The following ARHGEF10L variants were observed in gnomAD, a reference collection of about 807,000 sequenced individuals.
ARHGEF10L encodes the protein Rho guanine nucleotide exchange factor 10 like.
In ARHGEF10L, 69 loss-of-function variants were observed where a neutral mutation model predicts 141.2. The observed-to-expected ratio is 0.49, with a 90% CI of 0.40 to 0.60. The LOEUF (loss-of-function observed/expected upper bound fraction) is 0.60, where lower values mean the gene tolerates loss of function less well. Among genes scored for constraint, ARHGEF10L ranks in the 20% least tolerant of loss-of-function variants. ARHGEF10L has a pLI of 0.00. For missense variants in ARHGEF10L, 1,482 were observed against 1,734.3 expected (o/e 0.85, Z 2.58); for synonymous variants, 711 against 718.5 (o/e 0.99, Z 0.17).
chr1:17,551,757 C>T (rs140807073), intron 1 of ARHGEF10L, among the ~76,000 whole-genome samples: 21 of 152,226 alleles, frequency 1.4e-4, no homozygotes, highest in African/African-American at 4.8e-4. Context: ...AAAAGATTTC[C>T]GAGTCAGAGA....
chr1:17,570,043 G>GGGA (rs1340979525), intron 1 of ARHGEF10L, among the ~76,000 whole-genome samples: 2 of 152,174 alleles, frequency 1.3e-5, no homozygotes, highest in African/African-American at 4.8e-5. Context: ...CCTGGGTGCA[G>GGGA]GCTGGTTTCA....
At chr1:17,631,400 G>T (rs936431916) in intron 15 of ARHGEF10L, among the ~76,000 whole-genome samples, 2 of 152,192 alleles carry the variant, frequency 1.3e-5, no homozygotes, top group Non-Finnish European at 2.9e-5. Flanking sequence ...GGATGCCTGG[G>T]GTGTGAAAGT....
chr1:17,685,335 G>T lies in ARHGEF10L; in HGVS notation c.3010-2238G>T, dbSNP rs570130605. On this transcript the variant is annotated intron_variant, in intron 26 of 28. Transcript: ENST00000361221. ...GGCCTGGTGCAATCTGGCCCTACCT[G>T]CTCTGGCCTGTCCCATTGCTGTGCC... 3.9e-5 allele frequency among the ~76,000 whole-genome samples: 6 copies of T among 152,278 alleles called. No homozygotes were observed. The South Asian group carries it at 1.2e-3, about 32-fold the overall frequency.
Position 17,618,326 on chromosome 1 carries a change from G to A in ARHGEF10L, c.836-1013G>A, listed in dbSNP as rs547919765. 1,894 of 1,381,224 alleles carry A rather than the reference G, an allele frequency of 1.4e-3. 3 individuals are homozygous for A. Among genetic ancestry groups the A allele is most frequent in the Admixed American group, 1.8e-3 (78 of 43,712 alleles). The allele number at this position is 1,381,224 out of a possible 1,614,324, so 85.6% of individuals were successfully genotyped here. On this transcript the variant is annotated intron_variant, in intron 9 of 28. Coordinates refer to ENST00000361221, the MANE Select transcript of ARHGEF10L (RefSeq NM_018125.4). The stretch of plus-strand genomic sequence containing the variant: ...CCCTGCAGAGGCGATATTAATAGCC[G>A]TGGCAGGGCTCGAATCACAGGCCAA...
At chr1:17,664,297 G>A in intron 25 of ARHGEF10L, 150 bp from the exon 26 acceptor site, 1 of 865,448 alleles carries the variant, frequency 1.2e-6, no homozygotes, top group Non-Finnish European at 1.7e-6. Flanking sequence ...GATGGGGACA[G>A]CCACCACCCA....
intron 4 of ARHGEF10L, among the ~76,000 whole-genome samples, chr1:17,599,494 G>A (rs1557784910): frequency 6.6e-6 from 1 of 152,186 alleles, no homozygotes; most frequent in African/African-American, 2.4e-5. Flanking sequence ...CTAAGCTCAC[G>A]TCTGTTCCAG....
intron 2 of ARHGEF10L, among the ~76,000 whole-genome samples, chr1:17,583,626 G>A (rs1177476185): frequency 6.6e-6 from 1 of 152,118 alleles, no homozygotes; most frequent in Non-Finnish European, 1.5e-5. Context: ...GTGAGCTGGA[G>A]TCTGAGCTGA....
chr1:17,670,543 G>T (rs1204671475), intron 26 of ARHGEF10L, among the ~76,000 whole-genome samples: 1 of 152,228 alleles, frequency 6.6e-6, no homozygotes, highest in East Asian at 1.9e-4. Flanking sequence ...TTGGGAACAG[G>T]CTGATAGCAG....
At chr1:17,560,976 TA>T (rs375696446) in intron 1 of ARHGEF10L, among the ~76,000 whole-genome samples, 294 of 152,308 alleles carry the variant, frequency 1.9e-3, no homozygotes, top group African/African-American at 6.4e-3. Context: ...AACACAGGTT[TA>T]GGGGCTCCAG....
At chr1:17,636,709 G>A (rs2061023326) in intron 18 of ARHGEF10L, among the ~76,000 whole-genome samples, 1 of 152,112 alleles carries the variant, frequency 6.6e-6, no homozygotes, top group African/African-American at 2.4e-5. Flanking sequence ...AGGTGCCATA[G>A]TCCATGGAAG....
Position 17,622,984 on chromosome 1 carries a change from C to T in ARHGEF10L, c.1021-12C>T. ...GGCCTGGCCTGCGGCCTCACCCCGC[C>T]CTCCCCGGCAGGACTACCGCAACCC... is the stretch of plus-strand genomic sequence containing the variant. On this transcript the variant is annotated splice_polypyrimidine_tract_variant and intron_variant, in intron 11 of 28. Transcript: ENST00000361221. 6.2e-7 allele frequency: 1 copy of T among 1,608,544 alleles called. No individual in the cohort carries two copies. Among genetic ancestry groups the T allele is most frequent in the Non-Finnish European group, 8.5e-7 (1 of 1,178,352 alleles).
chr1:17,688,454 C>T (rs185489919), intron 27 of ARHGEF10L, among the ~76,000 whole-genome samples: 24 of 152,350 alleles, frequency 1.6e-4, no homozygotes, highest in African/African-American at 5.8e-4. Flanking sequence ...GAGCAGACCA[C>T]GGGGCCAGCA....
intron 9 of ARHGEF10L, among the ~76,000 whole-genome samples, chr1:17,618,974 T>C (rs1371987809): frequency 2.6e-5 from 4 of 152,210 alleles, no homozygotes; most frequent in Non-Finnish European, 5.9e-5. Flanking sequence ...TTCCTAGTGA[T>C]GGGGACATGG....
At chr1:17,635,873 C>G (rs548262297) in intron 18 of ARHGEF10L, among the ~76,000 whole-genome samples, 18 of 152,318 alleles carry the variant, frequency 1.2e-4, no homozygotes, top group African/African-American at 4.1e-4. Context: ...GAGAAAGGCA[C>G]TGGGGTTTCA....
At chr1:17,618,374 G>C in intron 9 of ARHGEF10L, 1 of 1,542,076 alleles carries the variant, frequency 6.5e-7, no homozygotes, top group South Asian at 1.2e-5. Flanking sequence ...GCAGCTCGTG[G>C]GGGAAGAGGA....
At chr1:17,650,060 TA>T (rs1293923629) in intron 22 of ARHGEF10L, among the ~76,000 whole-genome samples, 1 of 152,038 alleles carries the variant, frequency 6.6e-6, no homozygotes, top group Non-Finnish European at 1.5e-5. Context: ...ATTTGATATA[TA>T]GTTCGCATTT....
At chr1:17,629,191 A>AT (rs78642950) in intron 15 of ARHGEF10L, among the ~76,000 whole-genome samples, 3,432 of 141,186 alleles carry the variant, frequency 0.024, 84 homozygotes, top group African/African-American at 0.071. Flanking sequence ...CAGCTAATTA[A>AT]TTTTTTTTTT....
At chr1:17,666,839 G>A (rs1047700100) in intron 26 of ARHGEF10L, among the ~76,000 whole-genome samples, 5 of 147,528 alleles carry the variant, frequency 3.4e-5, no homozygotes, top group Non-Finnish European at 7.5e-5. Context: ...TTCACGCTGG[G>A]GGCTTCCCTG....
At chr1:17,648,760 G>T in intron 22 of ARHGEF10L, 85 bp downstream of exon 22, 1 of 1,536,078 alleles carries the variant, frequency 6.5e-7, no homozygotes, top group Non-Finnish European at 8.8e-7. Context: ...TCCAGGGAGC[G>T]CCCACAGCAG....
Sources: gnomAD v4.1 joint callset for allele counts (sites outside exome capture counted in the v4.1 genomes callset) on GRCh38, gnomAD v4.1.1 for gene constraint, MANE v1.5 for transcripts, NCBI Gene and HGNC (gene_info 2026-07-23, HGNC 2026-07-21) for gene names.